Variants in HMX1 observed in about 807,000 individuals in gnomAD.
HMX1 encodes the protein homeobox protein HMX1.
A neutral mutation model predicts 8.9 loss-of-function variants in HMX1; 8 were observed. The observed-to-expected ratio is 0.90, with a 90% CI of 0.53 to 1.63. HMX1 has a LOEUF of 1.63. Ranked by LOEUF, HMX1 falls within the 40% of genes most tolerant of loss-of-function variation. The probability of loss-of-function intolerance (pLI) is 0.00; values close to 1 mark genes in which losing one functional copy is unlikely to be tolerated. For missense variants in HMX1, 621 were observed against 558.5 expected, an observed-to-expected ratio of 1.11 and a Z score of -1.13; for synonymous variants, 311 against 283.4, an observed-to-expected ratio of 1.10 and a Z score of -0.98.
chr4:8,868,179 C>G lies in HMX1; in HGVS notation c.561G>C (p.Ala187=), dbSNP rs575165175. 8.4e-5 allele frequency: 126 copies of G among 1,496,336 alleles called. No individual in the cohort carries two copies. The South Asian group carries it at 1.1e-3, about 13-fold the overall frequency. 92.7% of individuals were successfully genotyped at this position (1,496,336 alleles called of 1,614,324 possible). ...EEASELAEVP[A]AAGETRGGVG... ...CGCCGCCGCGTGTCTCCCCAGCCGC[C>G]GCAGGGACCTCGGCCAGCTCCGACG... The change falls in exon 2 of 2, where the codon GCG becomes GCC. Residue 187 remains alanine (A), a synonymous_variant. Transcript: ENST00000400677. This position sits in a 1 kb window ranked among gnomAD's most constrained non-coding sequence, Gnocchi z 4.6.
At chr4:8,860,043 T>C (rs4956752) in intron 1 of HMX1, among the ~76,000 whole-genome samples, 30,074 of 152,238 alleles carry the variant, frequency 0.2, 3,832 homozygotes, top group East Asian at 0.61. Context: ...CCAACGGCGG[T>C]GCTGACAGCG....
exon 2 of HMX1, chr4:8,846,145 G>T: frequency 1.1e-6 from 1 of 907,628 alleles, no homozygotes; most frequent in East Asian, 2.6e-5. Context: ...GCTCCACGCG[G>T]TCACTCGGGG....
rs1722228577 is a variant in HMX1 at position 8,871,605 on chromosome 4, C to A, written c.10G>T (p.Glu4Ter). 7.7e-7 allele frequency: 1 copy of A among 1,303,486 alleles called. No homozygotes were observed. The highest frequency in any genetic ancestry group is 1.6e-5 in the African/African-American group (1 of 63,826). The allele number at this position is 1,303,486 out of a possible 1,614,324, so 80.7% of individuals were successfully genotyped here. A position where few individuals can be genotyped will look rare whatever the true frequency, so the allele number is the denominator to read the frequency against. The change falls in exon 1 of 2, where the codon GAG (glutamate) becomes TAG (stop). Residue 4 changes from glutamate (E) to a stop codon, truncating the protein, a stop_gained. Transcript: ENST00000400677. LOFTEE classifies it high-confidence loss of function. The surrounding 1 kb of genome is among the most constrained non-coding windows in gnomAD (Gnocchi z 4.8). ...GTGGCGCGCCCGGGCTCCGTCAGCT[C>A]GTCAGGCATCGCGGCCGCGGGCTTC... MPD[E>*]LTEPGRATPA...
At chr4:8,855,932 T>C (rs1168055642) in intron 1 of HMX1, among the ~76,000 whole-genome samples, 1 of 152,074 alleles carries the variant, frequency 6.6e-6, no homozygotes, top group Non-Finnish European at 1.5e-5. Context: ...CCACTCAATG[T>C]GGTGGGGTCC....
intron 1 of HMX1, among the ~76,000 whole-genome samples, chr4:8,856,218 TAGAC>T (rs1167409491): frequency 1.3e-5 from 2 of 152,066 alleles, no homozygotes; most frequent in Non-Finnish European, 2.9e-5. Flanking sequence ...AGACAAGACA[TAGAC>T]AGTTGATAGA....
downstream of HMX1, among the ~76,000 whole-genome samples, chr4:8,862,422 G>A (rs1721858551): frequency 6.6e-6 from 1 of 152,180 alleles, no homozygotes; most frequent in South Asian, 2.1e-4. Flanking sequence ...AAAATCGAGG[G>A]AGGCTTCAAG....
At chr4:8,863,238 C>A (rs1721889208), downstream of HMX1, among the ~76,000 whole-genome samples, 1 of 152,246 alleles carries the variant, frequency 6.6e-6, no homozygotes, top group African/African-American at 2.4e-5. Context: ...AGCCTCAGTG[C>A]CACCGTGCTC....
In HMX1 at chr4:8,867,794, G is replaced by C; in HGVS notation, c.946C>G (p.Pro316Ala). 5 of 1,241,984 alleles carry C rather than the reference G, an allele frequency of 4.0e-6. No homozygotes were observed. The highest frequency in any genetic ancestry group is 5.0e-6 in the Non-Finnish European group (5 of 996,610). The allele number at this position is 1,241,984 out of a possible 1,614,324, so 76.9% of individuals were successfully genotyped here. ...LAPAAPAPPPPLLGFSGALAY... is the reference protein window; with the variant it reads ...LAPAAPAPPPALLGFSGALAY... ...AGGGCCCCGGAGAAGCCGAGCAGCG[G>C]TGGGGGCGGCGCGGGCGCGGCGGGC... The change falls in exon 2 of 2, where the codon CCG becomes GCG. Residue 316 changes from proline to alanine, a missense_variant. By Grantham distance (27) the Pro-to-Ala change is conservative (BLOSUM62 -1). Transcript: ENST00000400677.
chr4:8,871,587 G>C lies in HMX1; in HGVS notation c.28C>G (p.Arg10Gly), dbSNP rs1236050379. Residue 10 changes from arginine (R) to glycine (G), a missense_variant, in exon 1 of 2, where the codon CGC (arginine) becomes GGC (glycine). Arg to Gly is a moderately radical substitution (Grantham distance 125). Coordinates refer to ENST00000400677, the MANE Select transcript of HMX1 (RefSeq NM_018942.3). This position sits in a 1 kb window ranked among gnomAD's most constrained non-coding sequence, Gnocchi z 4.8. Reference protein sequence around the residue: MPDELTEPGRATPARASSFL... With the variant: MPDELTEPGGATPARASSFL... ...GAGGAGGCGCGGGCCGGCGTGGCGC[G>C]CCCGGGCTCCGTCAGCTCGTCAGGC... The C allele has an allele frequency of 7.5e-7, 1 of 1,340,964 alleles. No homozygotes were observed. The highest frequency in any genetic ancestry group is 1.5e-5 in the African/African-American group (1 of 64,672). 83.1% of individuals were successfully genotyped at this position (1,340,964 alleles called of 1,614,324 possible).
chr4:8,863,731 G>C (rs1206857634), downstream of HMX1, among the ~76,000 whole-genome samples: 2 of 152,254 alleles, frequency 1.3e-5, no homozygotes, highest in Non-Finnish European at 2.9e-5. Flanking sequence ...GTTGCTGCCT[G>C]CTCTCTCGGC....
rs761111849 is a variant in HMX1, at chr4:8,868,036, C to T, written c.704G>A (p.Gly235Asp). 13 of 1,536,196 alleles carry T rather than the reference C, an allele frequency of 8.5e-6. No individual in the cohort carries two copies. Among genetic ancestry groups the T allele is most frequent in the Non-Finnish European group, 1.0e-5 (12 of 1,143,326 alleles). The change falls in exon 2 of 2, where the codon GGC (glycine) becomes GAC (aspartate). Residue 235 changes from glycine (G) to aspartate (D), a missense_variant. Transcript: ENST00000400677. The surrounding 1 kb of genome is among the most constrained non-coding windows in gnomAD (Gnocchi z 4.6). The part of the protein sequence containing the change: ...KRYLSSAERA[G>D]LAASLQLTET... ...GGTGAGCTGCAGGGAGGCGGCCAGG[C>T]CGGCGCGCTCGGCGCTGCTCAGGTA...
Position 8,871,525 on chromosome 4 carries a change from C to A in HMX1, c.90G>T (p.Lys30Asn). The change falls in exon 1 of 2, where the codon AAG becomes AAT. Residue 30 changes from lysine (K) to asparagine (N), a missense_variant. Lys to Asn is a moderately conservative substitution (Grantham distance 94). Coordinates refer to ENST00000400677, the MANE Select transcript of HMX1 (RefSeq NM_018942.3). The surrounding 1 kb of genome is among the most constrained non-coding windows in gnomAD (Gnocchi z 4.8). Reference protein sequence around the residue: ...LIENLLAAEAKGAGRATQGDG... With the variant: ...LIENLLAAEANGAGRATQGDG... ...CGCCCTGGGTCGCGCGCCCTGCGCC[C>A]TTGGCCTCGGCCGCCAGCAGGTTCT... is the stretch of plus-strand genomic sequence containing the variant. The A allele has an allele frequency of 1.5e-6, 2 of 1,354,212 alleles. No individual in the cohort carries two copies. The highest frequency in any genetic ancestry group is 1.9e-6 in the Non-Finnish European group (2 of 1,052,476). The allele number at this position is 1,354,212 out of a possible 1,614,324, so 83.9% of individuals were successfully genotyped here. A position where few individuals can be genotyped will look rare whatever the true frequency, so the allele number is the denominator to read the frequency against.
intron 1 of HMX1, among the ~76,000 whole-genome samples, chr4:8,857,472 G>T (rs1347536163): frequency 6.6e-6 from 1 of 152,128 alleles, no homozygotes; most frequent in Non-Finnish European, 1.5e-5. Flanking sequence ...GGCCTCCCAG[G>T]TCTCACCCCG....
At position 8,850,657 on chromosome 4, in the gene HMX1, AT is replaced by A. The variant is rs561980994; in HGVS notation, c.395-4334del. 1.0e-3 allele frequency among the ~76,000 whole-genome samples: 156 copies of A among 152,256 alleles called. 1 individual carries two copies. Among genetic ancestry groups the A allele is most frequent in the Non-Finnish European group, 1.9e-3 (130 of 68,010 alleles). On this transcript the variant is annotated intron_variant, in intron 1 of 1. Coordinates refer to the HMX1 transcript ENST00000506970. ...CCCACCTCCTACCTGTGTTCACACC[AT>A]CCCTTCAGTTCAGAATATTCTTCTG... is the stretch of plus-strand genomic sequence containing the variant.
rs753012984 is a variant in HMX1 at position 8,846,283 on chromosome 4, CCT to C, written c.434_435del (p.Glu145GlyfsTer7). 1.9e-4 allele frequency: 285 copies of C among 1,535,340 alleles called. No individual in the cohort carries two copies. Among genetic ancestry groups the C allele is most frequent in the Non-Finnish European group, 2.3e-4 (269 of 1,146,658 alleles). ...TATTTATCAGCTCTGGTCACCTGCC[CCT>C]CTCCACACTGCACAGGCTGAGGTGT... On this transcript the variant is annotated frameshift_variant, in exon 2 of 2. Transcript: ENST00000506970. LOFTEE classifies it low-confidence loss of function (END_TRUNC).
Position 8,867,591 on chromosome 4 carries a change from G to A in HMX1, c.*102C>T. 2.5e-6 allele frequency: 3 copies of A among 1,186,264 alleles called. No homozygotes were observed. The highest frequency in any genetic ancestry group is 3.1e-6 in the Non-Finnish European group (3 of 958,658). The allele number at this position is 1,186,264 out of a possible 1,614,324, so 73.5% of individuals were successfully genotyped here. A position where few individuals can be genotyped will look rare whatever the true frequency, so the allele number is the denominator to read the frequency against. On this transcript the variant is annotated 3_prime_UTR_variant, in exon 2 of 2. Coordinates refer to ENST00000400677, the MANE Select transcript of HMX1 (RefSeq NM_018942.3). ...GAGGTATCTAGGAGGCCGCAGGAGC[G>A]ACCATCCCTTCCCTAACGCCCCCTG...
chr4:8,867,255 A>T lies in HMX1; in HGVS notation c.*438T>A. ...CGGGCCGGCCTGCTGTCTGGGTCCC[A>T]GGAAAGGGACGTTTAGTGTTGGGGG... On this transcript the variant is annotated 3_prime_UTR_variant, in exon 2 of 2. Coordinates refer to ENST00000400677, the MANE Select transcript of HMX1 (RefSeq NM_018942.3). 1 of 986,146 alleles carries T rather than the reference A, an allele frequency of 1.0e-6. No individual in the cohort carries two copies. The highest frequency in any genetic ancestry group is 1.2e-6 in the Non-Finnish European group (1 of 830,442). The allele number at this position is 986,146 out of a possible 1,614,324, so 61.1% of individuals were successfully genotyped here.
At position 8,870,353 on chromosome 4, in the gene HMX1, G is replaced by A. The variant is rs912346228; in HGVS notation, c.394+868C>T. On this transcript the variant is annotated intron_variant, in intron 1 of 1. Transcript: ENST00000400677. The surrounding 1 kb of genome is among the most constrained non-coding windows in gnomAD (Gnocchi z 4.4). ...CCTGGAACCCTGGGGAGGGGAAGCAGAACTAAGGGGTCAGATACCCAAGCA... is the reference window on the plus strand; with the variant it reads ...CCTGGAACCCTGGGGAGGGGAAGCAAAACTAAGGGGTCAGATACCCAAGCA... Among the ~76,000 whole-genome samples the A allele has an allele frequency of 6.6e-6, 1 of 151,920 alleles. No individual in the cohort carries two copies. Among genetic ancestry groups the A allele is most frequent in the African/African-American group, 2.4e-5 (1 of 41,346 alleles).
downstream of HMX1, among the ~76,000 whole-genome samples, chr4:8,866,132 G>T (rs974138046): frequency 6.6e-6 from 1 of 152,206 alleles, no homozygotes; most frequent in Admixed American, 6.5e-5. Context: ...GGGCCGGGGC[G>T]GGGGCTGGGG....
Sources: allele counts gnomAD v4.1 joint callset (sites outside exome capture counted in the v4.1 genomes callset), GRCh38; gene constraint gnomAD v4.1.1; non-coding constraint Gnocchi (gnomAD v3.1); transcripts MANE v1.5; gene names NCBI Gene and HGNC (gene_info 2026-07-23, HGNC 2026-07-21).